Variants in PRKDC observed in about 807,000 individuals in gnomAD.
The protein encoded by PRKDC is protein kinase, DNA-activated, catalytic subunit.
PRKDC carries 82 observed loss-of-function variants against 486.9 expected under a neutral mutation model. The ratio of observed to expected loss-of-function variants is 0.17; its 90% CI spans 0.14 to 0.20. PRKDC has a LOEUF of 0.20. PRKDC is among the 10% of genes least tolerant of loss of function. PRKDC has a pLI of 1.00. For synonymous variants in PRKDC, 1,895 were observed against 1,837.0 expected, an observed-to-expected ratio of 1.03 and a Z score of -0.81; for missense variants, 4,504 against 5,038.2, an observed-to-expected ratio of 0.89 and a Z score of 3.21.
intron 12 of PRKDC, 90 bp from the exon 13 acceptor site, chr8:47,935,990 TTAGA>T (rs2090344611): frequency 2.4e-6 from 3 of 1,234,360 alleles, no homozygotes; most frequent in Non-Finnish European, 3.3e-6. Context: ...TACAACTGAA[TTAGA>T]TACTTATTAA....
At chr8:47,906,352 A>AG (rs1245401016) in intron 25 of PRKDC, among the ~76,000 whole-genome samples, 1 of 152,068 alleles carries the variant, frequency 6.6e-6, no homozygotes, top group Non-Finnish European at 1.5e-5. Flanking sequence ...GTCTAAAAAA[A>AG]AAATTAAAAT....
At chr8:47,852,179 C>T (rs961342285) in intron 52 of PRKDC, among the ~76,000 whole-genome samples, 3 of 152,192 alleles carry the variant, frequency 2.0e-5, no homozygotes, top group Admixed American at 6.5e-5. Context: ...ATCTGAACAG[C>T]GCACTGCACT....
rs8178119 is a variant in PRKDC, at chr8:47,878,251, G to A, written c.5236-400C>T. ...CTTCCGAGTAGCTGGGACTACAGGC[G>A]CCCGCCACCACGCCTGGCTAATTGT... On this transcript the variant is annotated intron_variant, in intron 39 of 85. Transcript: ENST00000314191. Among the ~76,000 whole-genome samples the A allele has an allele frequency of 7.5e-3, 1,145 of 151,844 alleles. 10 individuals are homozygous for A. Among genetic ancestry groups the A allele is most frequent in the Non-Finnish European group, 9.8e-3 (663 of 67,938 alleles).
At position 47,897,269 on chromosome 8, in the gene PRKDC, A is replaced by G; in HGVS notation, c.3490T>C (p.Cys1164Arg). The G allele has an allele frequency of 1.3e-6, 2 of 1,599,558 alleles. No individual in the cohort carries two copies. Among genetic ancestry groups the G allele is most frequent in the African/African-American group, 2.7e-5 (2 of 74,922 alleles). ...PRGFPPSASL[C>R]LLDLVKWLLA... ...AGCCACTTGACCAGATCCAATAAACACAATGATGCGGAAGGTGGAAATCCT... is the reference window on the plus strand; with the variant it reads ...AGCCACTTGACCAGATCCAATAAACGCAATGATGCGGAAGGTGGAAATCCT... The change falls in exon 30 of 86, where the codon TGT becomes CGT. Residue 1164 changes from cysteine (C) to arginine (R), a missense_variant. Physicochemically the swap from Cys to Arg is radical, Grantham distance 180. Coordinates refer to ENST00000314191, the MANE Select transcript of PRKDC (RefSeq NM_006904.7).
At position 47,938,427 on chromosome 8, in the gene PRKDC, AAAAG is replaced by A. The variant is rs759727782; in HGVS notation, c.1113+1120_1113+1123del. On this transcript the variant is annotated intron_variant, in intron 11 of 85. Coordinates refer to ENST00000314191, the MANE Select transcript of PRKDC (RefSeq NM_006904.7). Reference sequence around the variant, plus strand: ...ACTCCAACTCAAAAATTAAAAAAAAAAAAGAAAGAAAAAAAGAAAGAAGAAAAAA... The same window carrying A: ...ACTCCAACTCAAAAATTAAAAAAAAAAAAGAAAAAAAGAAAGAAGAAAAAA... 6.1e-3 allele frequency among the ~76,000 whole-genome samples: 924 copies of A among 152,000 alleles called. 8 individuals are homozygous for A. Among genetic ancestry groups the A allele is most frequent in the Non-Finnish European group, 0.011 (748 of 67,978 alleles).
At chr8:47,862,996 C>T (rs1350668985) in intron 42 of PRKDC, among the ~76,000 whole-genome samples, 2 of 152,196 alleles carry the variant, frequency 1.3e-5, no homozygotes, top group African/African-American at 2.4e-5. Context: ...AGAGAAAATA[C>T]ATTTGATTAC....
chr8:47,799,493 C>A, intron 71 of PRKDC, 103 bp from the exon 72 acceptor site: 2 of 1,088,966 alleles, frequency 1.8e-6, no homozygotes, highest in Non-Finnish European at 2.5e-6. Context: ...TCAACAGCTC[C>A]AAAATAACAC....
At chr8:47,953,117 G>A (rs56298251) in intron 7 of PRKDC, among the ~76,000 whole-genome samples, 8,252 of 151,922 alleles carry the variant, frequency 0.054, 306 homozygotes, top group Non-Finnish European at 0.084. Context: ...CTCCACCCTG[G>A]GCTACGGAGC....
intron 21 of PRKDC, among the ~76,000 whole-genome samples, chr8:47,926,005 C>T (rs2090151550): frequency 6.6e-6 from 1 of 152,142 alleles, no homozygotes; most frequent in Admixed American, 6.6e-5. Flanking sequence ...ATCGAATCAT[C>T]TAGATAGGGT....
At chr8:47,941,740 C>T (rs2090448461) in intron 10 of PRKDC, among the ~76,000 whole-genome samples, 1 of 152,268 alleles carries the variant, frequency 6.6e-6, no homozygotes, top group Non-Finnish European at 1.5e-5. Context: ...CAACAGGCAT[C>T]AGCCCTGAGG....
rs372545101 is a variant in PRKDC, at chr8:47,777,638, C to A, written c.12042+48G>T. The A allele has an allele frequency of 2.0e-6, 3 of 1,508,954 alleles. No homozygotes were observed. The South Asian group carries it at 4.0e-5, about 20-fold the overall frequency. 93.5% of individuals were successfully genotyped at this position (1,508,954 alleles called of 1,614,324 possible). A position where few individuals can be genotyped will look rare whatever the true frequency, so the allele number is the denominator to read the frequency against. On this transcript the variant is annotated intron_variant, in intron 84 of 85. Transcript: ENST00000314191. ...TACACGAGAGATACCAGCTTGATCA[C>A]GGGGACACTGTCACAAAAGTGAAAA...
At chr8:47,905,692 A>G (rs930641710) in intron 25 of PRKDC, among the ~76,000 whole-genome samples, 2 of 152,200 alleles carry the variant, frequency 1.3e-5, no homozygotes, top group African/African-American at 4.8e-5. Context: ...TATATACAGG[A>G]CAAAGAGGAA....
chr8:47,799,819 G>GA (rs1462450822), intron 71 of PRKDC, among the ~76,000 whole-genome samples: 3 of 151,914 alleles, frequency 2.0e-5, no homozygotes, highest in Admixed American at 1.3e-4. Flanking sequence ...GGTAACTATT[G>GA]AAAAAAACAA....
chr8:47,778,003 A>T, intron 83 of PRKDC, 129 bp from the exon 84 acceptor site: 1 of 897,576 alleles, frequency 1.1e-6, no homozygotes, highest in Non-Finnish European at 1.7e-6. Flanking sequence ...CTTCCCTTGA[A>T]ATCAGCTACA....
At chr8:47,957,617 T>C (rs1365300660) in intron 1 of PRKDC, among the ~76,000 whole-genome samples, 186 bp from the exon 2 acceptor site, 1 of 142,260 alleles carries the variant, frequency 7.0e-6, no homozygotes, top group Non-Finnish European at 1.6e-5. Flanking sequence ...TTCACGCCAT[T>C]CTCCTATCTC....
intron 54 of PRKDC, among the ~76,000 whole-genome samples, chr8:47,844,555 G>C (rs2088222586): frequency 6.6e-6 from 1 of 151,990 alleles, no homozygotes; most frequent in South Asian, 2.1e-4. Flanking sequence ...TACATCTACA[G>C]CATACTCCAC....
chr8:47,864,773 C>G lies in PRKDC; in HGVS notation c.5364-10G>C. The stretch of plus-strand genomic sequence containing the variant: ...TGTGACACATGAACCCCTAAGAAAA[C>G]AAGATAAAATTATATGAACATCCCT... On this transcript the variant is annotated splice_polypyrimidine_tract_variant and intron_variant, in intron 40 of 85. Coordinates refer to ENST00000314191, the MANE Select transcript of PRKDC (RefSeq NM_006904.7). The G allele has an allele frequency of 6.4e-7, 1 of 1,551,804 alleles. No individual in the cohort carries two copies. The highest frequency in any genetic ancestry group is 2.3e-5 in the East Asian group (1 of 43,232).
intron 76 of PRKDC, among the ~76,000 whole-genome samples, chr8:47,786,182 G>A (rs2086788210): frequency 6.6e-6 from 1 of 152,142 alleles, no homozygotes; most frequent in South Asian, 2.1e-4. Flanking sequence ...GGAGGCTGAG[G>A]TGGGTGGATC....
intron 39 of PRKDC, among the ~76,000 whole-genome samples, chr8:47,878,605 A>G (rs2154501359): frequency 6.6e-6 from 1 of 152,222 alleles, no homozygotes; most frequent in South Asian, 2.1e-4. Context: ...CGATGTTCTC[A>G]TCTTGACTCT....
Sources: allele counts gnomAD v4.1 joint callset (sites outside exome capture counted in the v4.1 genomes callset), GRCh38; gene constraint gnomAD v4.1.1; transcripts MANE v1.5; gene names NCBI Gene and HGNC (gene_info 2026-07-23, HGNC 2026-07-21).